ATP8A2: variants seen among roughly 807,000 people sequenced by gnomAD.
ATP8A2 encodes the protein ATPase phospholipid transporting 8A2.
Under a neutral mutation model 165.6 loss-of-function variants are expected in ATP8A2, and 100 were observed. The observed-to-expected ratio is 0.60, with a 90% CI of 0.51 to 0.71. The LOEUF (loss-of-function observed/expected upper bound fraction) is 0.71, where lower values mean the gene tolerates loss of function less well. ATP8A2 is among the 30% of genes least tolerant of loss of function. The pLI, the probability that ATP8A2 is intolerant of heterozygous loss-of-function variation, is 0.00. For synonymous variants in ATP8A2, 543 were observed against 548.8 expected (o/e 0.99, Z 0.15); for missense variants, 1,227 against 1,479.5 (o/e 0.83, Z 2.80).
chr13:25,513,811 G>A (rs1355815752), intron 2 of ATP8A2, among the ~76,000 whole-genome samples: 1 of 152,228 alleles, frequency 6.6e-6, no homozygotes, highest in African/African-American at 2.4e-5. Flanking sequence ...ACAAAAACCA[G>A]TCAGGCGTGG....
At chr13:25,686,322 T>C (rs2042600576) in intron 24 of ATP8A2, among the ~76,000 whole-genome samples, 1 of 152,180 alleles carries the variant, frequency 6.6e-6, no homozygotes, top group Non-Finnish European at 1.5e-5. Flanking sequence ...GATGCAGTGC[T>C]CCAAGGAGAC....
chr13:25,757,603 C>T (rs2044291118), intron 25 of ATP8A2, among the ~76,000 whole-genome samples: 1 of 152,146 alleles, frequency 6.6e-6, no homozygotes, highest in South Asian at 2.1e-4. Flanking sequence ...CTCTATCACA[C>T]TCAGTCGCAG....
Position 25,372,226 on chromosome 13 carries a change from C to T in ATP8A2, c.14C>T (p.Ala5Val). Residue 5 changes from alanine (A) to valine (V), a missense_variant, in exon 1 of 37, where the codon GCA (alanine) becomes GTA (valine). Ala to Val is a moderately conservative substitution (Grantham distance 64, BLOSUM62 0). This residue lies in a region of ATP8A2 where 356 missense variants were observed against 394.9 expected (regional missense o/e 0.90). Coordinates refer to ENST00000381655, the MANE Select transcript of ATP8A2 (RefSeq NM_016529.6). This position sits in a 1 kb window ranked among gnomAD's most constrained non-coding sequence, Gnocchi z 4.8. ...GACACGGGCGAGATGCTGAACGGCG[C>T]AGGCCTGGACAAAGCTCTTAAGATG... MLNG[A>V]GLDKALKMSL... 1 of 1,473,044 alleles carries T rather than the reference C, an allele frequency of 6.8e-7. No individual in the cohort carries two copies. Among genetic ancestry groups the T allele is most frequent in the Non-Finnish European group, 9.0e-7 (1 of 1,108,242 alleles). 91.2% of individuals were successfully genotyped at this position (1,473,044 alleles called of 1,614,324 possible). A position where few individuals can be genotyped will look rare whatever the true frequency, so the allele number is the denominator to read the frequency against.
chr13:25,978,400 A>G (rs1346278579), intron 35 of ATP8A2, among the ~76,000 whole-genome samples: 4 of 152,342 alleles, frequency 2.6e-5, no homozygotes, highest in African/African-American at 9.6e-5. Context: ...AGAGTAAGAC[A>G]TTCCAGCCTG....
At chr13:25,905,100 TTG>T (rs1207702391) in intron 33 of ATP8A2, among the ~76,000 whole-genome samples, 1 of 148,846 alleles carries the variant, frequency 6.7e-6, no homozygotes, top group Non-Finnish European at 1.5e-5. Context: ...ACGTCACCCA[TTG>T]TCATGTTATT....
At chr13:25,933,939 T>C (rs1432359329) in intron 33 of ATP8A2, among the ~76,000 whole-genome samples, 1 of 152,206 alleles carries the variant, frequency 6.6e-6, no homozygotes, top group Non-Finnish European at 1.5e-5. Flanking sequence ...GGCAGGCAGC[T>C]CTGTCTCTTG....
intron 1 of ATP8A2, among the ~76,000 whole-genome samples, chr13:25,407,918 G>A (rs756760317): frequency 5.9e-5 from 9 of 152,090 alleles, no homozygotes; most frequent in Non-Finnish European, 1.3e-4. Context: ...TCCCACCTAC[G>A]GGAGGCAAGG....
rs2036614508 is a variant in ATP8A2 at position 25,494,457 on chromosome 13, A to ATGC, written c.221+25340_221+25342dup. Among the ~76,000 whole-genome samples, 4 of 152,304 alleles carry ATGC rather than the reference A, an allele frequency of 2.6e-5. No individual in the cohort carries two copies. In the East Asian group the frequency reaches 7.7e-4, roughly 29 times the overall value. ...TATTAGGTTTCCTGGGAACAAAGCC[A>ATGC]TGCTGCAAAGGGTATGAAAGCCTGT... is the stretch of plus-strand genomic sequence containing the variant. On this transcript the variant is annotated intron_variant, in intron 2 of 36. Coordinates refer to ENST00000381655, the MANE Select transcript of ATP8A2 (RefSeq NM_016529.6).
rs7998482 is a variant in ATP8A2, at chr13:25,655,255, G to A, written c.2212-43918G>A. Among the ~76,000 whole-genome samples, 245 of 152,322 alleles carry A rather than the reference G, an allele frequency of 1.6e-3. 1 individual carries two copies. The highest frequency in any genetic ancestry group is 5.6e-3 in the African/African-American group (231 of 41,574). On this transcript the variant is annotated intron_variant, in intron 24 of 36. Coordinates refer to ENST00000381655, the MANE Select transcript of ATP8A2 (RefSeq NM_016529.6). ...GCTCACTGCAACCTCCGCCTCCTGG[G>A]TTCAAGCAATCCTCCTGCCTTAGCT...
At chr13:25,529,184 A>C (rs1007591835) in intron 2 of ATP8A2, among the ~76,000 whole-genome samples, 1 of 152,158 alleles carries the variant, frequency 6.6e-6, no homozygotes, top group African/African-American at 2.4e-5. Context: ...ATGTCTTCAG[A>C]GGGTGAGCTA....
At chr13:25,703,194 C>T (rs901585036) in intron 25 of ATP8A2, among the ~76,000 whole-genome samples, 1 of 152,144 alleles carries the variant, frequency 6.6e-6, no homozygotes, top group Non-Finnish European at 1.5e-5. Flanking sequence ...ATTCTCCTGC[C>T]TCGGCCTCCC....
intron 24 of ATP8A2, among the ~76,000 whole-genome samples, chr13:25,595,444 C>T (rs959344047): frequency 6.6e-6 from 1 of 152,152 alleles, no homozygotes; most frequent in African/African-American, 2.4e-5. Flanking sequence ...TAAATTCTCA[C>T]TGGTGGAATG....
intron 22 of ATP8A2, among the ~76,000 whole-genome samples, chr13:25,581,423 AG>A (rs1208437914): frequency 1.3e-5 from 2 of 152,184 alleles, no homozygotes; most frequent in Admixed American, 6.5e-5. Flanking sequence ...CTATTTTGCC[AG>A]GTAAGTGTAT....
chr13:25,874,314 GGTCTCC>G (rs1309342624), intron 33 of ATP8A2, among the ~76,000 whole-genome samples: 3 of 152,158 alleles, frequency 2.0e-5, no homozygotes, highest in Admixed American at 1.3e-4. Context: ...TGACTGCACT[GGTCTCC>G]GCCTCCTACC....
intron 33 of ATP8A2, among the ~76,000 whole-genome samples, chr13:25,900,842 C>A (rs995151853): frequency 1.3e-5 from 2 of 152,136 alleles, no homozygotes; most frequent in African/African-American, 4.8e-5. Flanking sequence ...ATGGAAAACA[C>A]GGGAGAAGAG....
intron 2 of ATP8A2, among the ~76,000 whole-genome samples, chr13:25,519,880 A>G (rs980059121): frequency 6.6e-6 from 1 of 152,166 alleles, no homozygotes; most frequent in Non-Finnish European, 1.5e-5. Flanking sequence ...GGCAGAGTGA[A>G]TGGTAAAACA....
intron 1 of ATP8A2, among the ~76,000 whole-genome samples, chr13:25,378,133 G>A (rs1461266575): frequency 6.6e-6 from 1 of 151,938 alleles, no homozygotes; most frequent in Admixed American, 6.6e-5. Context: ...AAAAAAAAGA[G>A]CACATGAATG....
intron 2 of ATP8A2, among the ~76,000 whole-genome samples, chr13:25,504,423 T>TTCC (rs772633289): frequency 8.1e-5 from 7 of 86,418 alleles, no homozygotes; most frequent in Non-Finnish European, 1.5e-4. Flanking sequence ...TTCCTTTCCT[T>TTCC]TTTTTTTTTT....
At chr13:25,415,885 A>G (rs1288925742) in intron 1 of ATP8A2, among the ~76,000 whole-genome samples, 1 of 152,066 alleles carries the variant, frequency 6.6e-6, no homozygotes, top group East Asian at 1.9e-4. Context: ...GCTGGAGTGT[A>G]GAGGCCAATT....
Sources: allele counts gnomAD v4.1 joint callset (sites outside exome capture counted in the v4.1 genomes callset), GRCh38; gene constraint gnomAD v4.1.1; regional missense constraint gnomAD v4.1.1; non-coding constraint Gnocchi (gnomAD v3.1); transcripts MANE v1.5; gene names NCBI Gene and HGNC (gene_info 2026-07-23, HGNC 2026-07-21).